IFT52: variants seen among roughly 807,000 people sequenced by gnomAD.
IFT52 encodes intraflagellar transport 52.
IFT52 carries 44 observed loss-of-function variants against 54.4 expected under a neutral mutation model. The observed-to-expected ratio is 0.81, with a 90% CI of 0.63 to 1.04. The LOEUF (loss-of-function observed/expected upper bound fraction) is 1.04, where lower values mean the gene tolerates loss of function less well. Ranked by LOEUF, IFT52 falls within the 50% of genes least tolerant of loss-of-function variation. IFT52 has a pLI of 0.00. For missense variants in IFT52, 452 were observed against 523.6 expected, an observed-to-expected ratio of 0.86 and a Z score of 1.33; for synonymous variants, 181 against 185.3, an observed-to-expected ratio of 0.98 and a Z score of 0.19.
chr20:43,617,063 G>A (rs2145627531), intron 7 of IFT52, among the ~76,000 whole-genome samples: 1 of 152,208 alleles, frequency 6.6e-6, no homozygotes, highest in Middle Eastern at 3.4e-3. Flanking sequence ...CGAATGATGT[G>A]TTGGAAGCAT....
chr20:43,647,154 A>C lies in IFT52; in HGVS notation c.*171A>C, dbSNP rs1986265439. 1.7e-6 allele frequency: 1 copy of C among 604,684 alleles called. No individual in the cohort carries two copies. The highest frequency in any genetic ancestry group is 2.9e-6 in the Non-Finnish European group (1 of 342,070). 37.5% of individuals were successfully genotyped at this position (604,684 alleles called of 1,614,324 possible). On this transcript the variant is annotated 3_prime_UTR_variant, in exon 14 of 14. Coordinates refer to ENST00000373030, the MANE Select transcript of IFT52 (RefSeq NM_016004.5). The stretch of plus-strand genomic sequence containing the variant: ...AGATAGGTATAAGATTTTTCACAAA[A>C]TCCTTATGTAAGATACATTCCATTT...
At chr20:43,609,770 C>A (rs1192779679) in intron 6 of IFT52, among the ~76,000 whole-genome samples, 1 of 109,470 alleles carries the variant, frequency 9.1e-6, no homozygotes, top group African/African-American at 3.5e-5. Context: ...AGCGAAACTC[C>A]GTCTCAAAAA....
chr20:43,607,636 G>T (rs1415116188), intron 6 of IFT52, among the ~76,000 whole-genome samples: 2 of 146,186 alleles, frequency 1.4e-5, no homozygotes, highest in Non-Finnish European at 3.0e-5. Flanking sequence ...GATGGCGGCC[G>T]GGCAGAGACG....
At chr20:43,607,304 C>T (rs1356987362) in intron 6 of IFT52, among the ~76,000 whole-genome samples, 2 of 148,360 alleles carry the variant, frequency 1.3e-5, no homozygotes, top group African/African-American at 5.0e-5. Flanking sequence ...GCTGGCCTGG[C>T]GGGGGCTGAC....
intron 10 of IFT52, among the ~76,000 whole-genome samples, chr20:43,624,495 T>G (rs1438343122): frequency 1.3e-5 from 2 of 152,140 alleles, no homozygotes; most frequent in Non-Finnish European, 2.9e-5. Flanking sequence ...CTCAGTCTAG[T>G]GCGGATGTGC....
At chr20:43,643,986 CTCCCA>C (rs1986083744) in intron 13 of IFT52, among the ~76,000 whole-genome samples, 1 of 56,694 alleles carries the variant, frequency 1.8e-5, no homozygotes. Flanking sequence ...GTAGTCCCAG[CTCCCA>C]TACTCGGGAG....
At chr20:43,594,040 T>G (rs1394680091) in intron 1 of IFT52, among the ~76,000 whole-genome samples, 2 of 152,166 alleles carry the variant, frequency 1.3e-5, no homozygotes, top group African/African-American at 2.4e-5. Context: ...CTGGGTGCAG[T>G]GGCTCACACC....
intron 6 of IFT52, among the ~76,000 whole-genome samples, chr20:43,608,161 G>GGGGAGA (rs368886324): frequency 2.6e-4 from 40 of 151,930 alleles, no homozygotes; most frequent in African/African-American, 5.1e-4. Flanking sequence ...GGGAGACCGT[G>GGGGAGA]GGGAGAGGGA....
At chr20:43,600,201 T>TG (rs1393958260) in intron 3 of IFT52, among the ~76,000 whole-genome samples, 7 of 152,134 alleles carry the variant, frequency 4.6e-5, no homozygotes, top group Non-Finnish European at 8.8e-5. Flanking sequence ...TAGGTACATA[T>TG]GCAGACTGGT....
rs1981801222 is a variant in IFT52 at position 43,594,767 on chromosome 20, T to C, written c.69T>C (p.Asn23=). The C allele has an allele frequency of 1.2e-6, 2 of 1,613,280 alleles. No individual in the cohort carries two copies. Among genetic ancestry groups the C allele is most frequent in the Admixed American group, 3.3e-5 (2 of 60,018 alleles). Residue 23 remains asparagine, a synonymous_variant, in exon 2 of 14, where the codon AAT becomes AAC. Transcript: ENST00000373030. ...AAAAGGAGATATTTACCACCAACAA[T>C]GGCTACAAATCCATGCAGAAAAAAC... is the stretch of plus-strand genomic sequence containing the variant. ...AYKKEIFTTN[N]GYKSMQKKLR...
At position 43,624,004 on chromosome 20, in the gene IFT52, CAT is replaced by C; in HGVS notation, c.883_884del (p.Ile295LeufsTer23). ...RDFTTLFDLSIFQLDTTSFHS... is the reference protein window; with the variant it reads ...RDFTTLFDLSXFQLDTTSFHS... Reference sequence around the variant, plus strand: ...ACTTTACCACCCTCTTCGACCTGTCCATCTTCCAGCTGGATACCACCTCCTTC... The same window carrying C: ...ACTTTACCACCCTCTTCGACCTGTCCCTTCCAGCTGGATACCACCTCCTTC... On this transcript the variant is annotated frameshift_variant, in exon 10 of 14. Transcript: ENST00000373030. LOFTEE classifies it high-confidence loss of function. The C allele has an allele frequency of 6.2e-7, 1 of 1,614,150 alleles. No homozygotes were observed. Among genetic ancestry groups the C allele is most frequent in the East Asian group, 2.2e-5 (1 of 44,892 alleles).
At chr20:43,640,999 C>G (rs1422687363) in intron 12 of IFT52, among the ~76,000 whole-genome samples, 3 of 144,846 alleles carry the variant, frequency 2.1e-5, no homozygotes, top group Non-Finnish European at 4.5e-5. Flanking sequence ...CCACTGCACT[C>G]CAGCCTGGGT....
intron 3 of IFT52, among the ~76,000 whole-genome samples, chr20:43,602,004 C>T (rs6030978): frequency 0.86 from 131,176 of 152,054 alleles, 56,844 homozygotes; most frequent in African/African-American, 0.95. Context: ...CTCAAGGAAC[C>T]GATAGTCTAG....
At chr20:43,632,547 C>A (rs1347768562) in intron 10 of IFT52, among the ~76,000 whole-genome samples, 1 of 152,138 alleles carries the variant, frequency 6.6e-6, no homozygotes, top group Non-Finnish European at 1.5e-5. Flanking sequence ...AGGCATGAGC[C>A]CCTGCACTCG....
At chr20:43,628,089 T>C (rs1168153141) in intron 10 of IFT52, among the ~76,000 whole-genome samples, 1 of 151,878 alleles carries the variant, frequency 6.6e-6, no homozygotes, top group Non-Finnish European at 1.5e-5. Context: ...CCACCACACC[T>C]GGCTAATTGT....
chr20:43,594,660 A>C, intron 1 of IFT52, 33 bp from the exon 2 acceptor site: 1 of 1,157,856 alleles, frequency 8.6e-7, no homozygotes, highest in South Asian at 1.2e-5. Context: ...AATATTGTTT[A>C]TTGATTTTCT....
chr20:43,620,992 C>A, intron 9 of IFT52, 67 bp downstream of exon 9: 1 of 1,122,338 alleles, frequency 8.9e-7, no homozygotes, highest in Non-Finnish European at 1.3e-6. Flanking sequence ...CCACTTCTCA[C>A]AGCTCAAAAG....
At chr20:43,612,607 G>A (rs547230052) in intron 6 of IFT52, among the ~76,000 whole-genome samples, 2 of 152,034 alleles carry the variant, frequency 1.3e-5, no homozygotes, top group South Asian at 4.2e-4. Flanking sequence ...CAAGAGAATC[G>A]CTTCAGCCCA....
At chr20:43,604,378 T>C (rs1427246713) in intron 5 of IFT52, 120 bp downstream of exon 5, 2 of 642,938 alleles carry the variant, frequency 3.1e-6, no homozygotes, top group Non-Finnish European at 5.4e-6. Flanking sequence ...CAAACCAGCC[T>C]GGCCAACATG....
Sources: allele counts gnomAD v4.1 joint callset (sites outside exome capture counted in the v4.1 genomes callset), GRCh38; gene constraint gnomAD v4.1.1; transcripts MANE v1.5; gene names NCBI Gene and HGNC (gene_info 2026-07-23, HGNC 2026-07-21).